LINGO2: variants seen among roughly 807,000 people sequenced by gnomAD.
LINGO2 encodes leucine rich repeat and Ig domain containing 2.
A neutral mutation model predicts 30.6 loss-of-function variants in LINGO2; 14 were observed. The observed-to-expected ratio is 0.46, with a 90% confidence interval of 0.30 to 0.72. The LOEUF is 0.72. Ranked by LOEUF, LINGO2 falls within the 30% of genes least tolerant of loss-of-function variation. The pLI is 0.07. For synonymous variants in LINGO2, 317 were observed against 288.5 expected (o/e 1.10, Z -1.00); for missense variants, 729 against 751.7 (o/e 0.97, Z 0.35).
the LINGO2 span, among the ~76,000 whole-genome samples, chr9:28,758,720 T>C: frequency 6.6e-6 from 1 of 152,132 alleles, no homozygotes; most frequent in Non-Finnish European, 1.5e-5. Context: ...ACAAATATTG[T>C]CTAAGGCTTC....
chr9:28,887,208 C>T, the LINGO2 span, among the ~76,000 whole-genome samples: 2 of 152,090 alleles, frequency 1.3e-5, no homozygotes, highest in Non-Finnish European at 2.9e-5. Context: ...ATAGAGATGT[C>T]TGCTGAGTTG....
chr9:28,047,558 C>G (rs139308444), intron 4 of LINGO2, among the ~76,000 whole-genome samples: 6 of 150,904 alleles, frequency 4.0e-5, no homozygotes, highest in African/African-American at 1.5e-4. Flanking sequence ...CAAATCATAG[C>G]TCTACTATTT....
chr9:28,229,500 G>C (rs1821284577), intron 4 of LINGO2, among the ~76,000 whole-genome samples: 1 of 151,540 alleles, frequency 6.6e-6, no homozygotes, highest in African/African-American at 2.4e-5. Flanking sequence ...AAAGGTAAAG[G>C]ACCCTCCCTA....
chr9:29,103,571 T>G, the LINGO2 span, among the ~76,000 whole-genome samples: 1 of 152,146 alleles, frequency 6.6e-6, no homozygotes, highest in African/African-American at 2.4e-5. Flanking sequence ...AATATATTTC[T>G]TTATTTTAGG....
chr9:28,379,186 G>T (rs763289046), intron 2 of LINGO2, among the ~76,000 whole-genome samples: 4 of 152,054 alleles, frequency 2.6e-5, no homozygotes, highest in Admixed American at 1.3e-4. Flanking sequence ...GGTAAATTTT[G>T]AAGGAAGTAT....
the LINGO2 span, among the ~76,000 whole-genome samples, chr9:28,973,182 G>A: frequency 1.3e-5 from 2 of 152,006 alleles, no homozygotes; most frequent in Non-Finnish European, 2.9e-5. Context: ...ATCCACGAAG[G>A]TTATAGAACA....
chr9:28,565,759 T>C (rs1310824099), intron 1 of LINGO2, among the ~76,000 whole-genome samples: 1 of 151,482 alleles, frequency 6.6e-6, no homozygotes, highest in Non-Finnish European at 1.5e-5. Context: ...TTTCACCATG[T>C]TAGCCAGGAT....
chr9:28,502,933 C>T (rs2135323228), intron 1 of LINGO2, among the ~76,000 whole-genome samples: 1 of 152,118 alleles, frequency 6.6e-6, no homozygotes, highest in Middle Eastern at 3.4e-3. Flanking sequence ...CTTAATAGTT[C>T]CTGTGCAGAT....
intron 4 of LINGO2, among the ~76,000 whole-genome samples, chr9:28,277,845 A>C (rs1159086810): frequency 5.5e-5 from 8 of 146,468 alleles, no homozygotes; most frequent in South Asian, 4.4e-4. Flanking sequence ...AACAAAAAAA[A>C]AAAACAAAAA....
chr9:28,884,770 GTA>G, the LINGO2 span, among the ~76,000 whole-genome samples: 119,184 of 139,958 alleles, frequency 0.85, 50,943 homozygotes, highest in Non-Finnish European at 0.89. Context: ...TATAGTGTGT[GTA>G]TATATATATA....
At chr9:28,980,170 C>G in the LINGO2 span, among the ~76,000 whole-genome samples, 2 of 151,934 alleles carry the variant, frequency 1.3e-5, no homozygotes, top group Non-Finnish European at 2.9e-5. Context: ...AAACCATCAC[C>G]AAACCACATG....
the LINGO2 span, among the ~76,000 whole-genome samples, chr9:29,206,275 C>A: frequency 1.3e-5 from 2 of 152,114 alleles, no homozygotes; most frequent in African/African-American, 4.8e-5. Flanking sequence ...ACTATAAAGA[C>A]AATTATTATG....
At chr9:28,428,362 C>T (rs928560510) in intron 2 of LINGO2, among the ~76,000 whole-genome samples, 1 of 152,124 alleles carries the variant, frequency 6.6e-6, no homozygotes, top group African/African-American at 2.4e-5. Flanking sequence ...GGGATCTTGC[C>T]TGCCTTCATC....
the LINGO2 span, among the ~76,000 whole-genome samples, chr9:28,896,144 T>C: frequency 6.6e-6 from 1 of 152,128 alleles, no homozygotes; most frequent in Non-Finnish European, 1.5e-5. Context: ...GGCTGAAAAG[T>C]GTGAACTGAA....
chr9:28,094,274 C>T (rs1826181101), intron 4 of LINGO2, among the ~76,000 whole-genome samples: 1 of 152,038 alleles, frequency 6.6e-6, no homozygotes, highest in South Asian at 2.1e-4. Context: ...TAACTCTTGT[C>T]AAATGAATAC....
At chr9:28,551,820 T>G (rs980162469) in intron 1 of LINGO2, among the ~76,000 whole-genome samples, 1 of 152,132 alleles carries the variant, frequency 6.6e-6, no homozygotes, top group Non-Finnish European at 1.5e-5. Flanking sequence ...GACCTTGCTC[T>G]CTGACACACG....
intron 4 of LINGO2, among the ~76,000 whole-genome samples, chr9:28,135,671 T>C (rs1395401975): frequency 3.3e-5 from 5 of 152,116 alleles, no homozygotes; most frequent in Non-Finnish European, 7.4e-5. Context: ...GTCTTGCTGA[T>C]CCCTCACTCA....
chr9:28,661,432 T>C (rs1220217518), intron 1 of LINGO2, among the ~76,000 whole-genome samples: 2 of 152,108 alleles, frequency 1.3e-5, no homozygotes, highest in Non-Finnish European at 2.9e-5. Flanking sequence ...CAAAACTGCC[T>C]GCCCATTGAC....
At chr9:28,598,977 G>GC (rs1334184050) in intron 1 of LINGO2, 2 of 152,120 alleles carry the variant, frequency 1.3e-5, no homozygotes, top group African/African-American at 4.8e-5. Context: ...AAAGTTAAAT[G>GC]TTTTTCATCA....
Sources: allele counts gnomAD v4.1 joint callset (sites outside exome capture counted in the v4.1 genomes callset), GRCh38; gene constraint gnomAD v4.1.1; transcripts MANE v1.5; gene names NCBI Gene and HGNC (gene_info 2026-07-23, HGNC 2026-07-21).